Variants in SCARA3 observed in about 807,000 individuals in gnomAD.
SCARA3 encodes the protein scavenger receptor class A member 3, also known as cellular stress response gene protein.
Under a neutral mutation model 47.0 loss-of-function variants are expected in SCARA3, and 39 were observed. The observed-to-expected ratio is 0.83, with a 90% CI of 0.64 to 1.08. The LOEUF (loss-of-function observed/expected upper bound fraction) is 1.08, where lower values mean the gene tolerates loss of function less well. Ranked by LOEUF, SCARA3 falls within the 50% of genes least tolerant of loss-of-function variation. The probability of loss-of-function intolerance (pLI) is 0.00; values close to 1 mark genes in which losing one functional copy is unlikely to be tolerated. For missense variants in SCARA3, 724 were observed against 792.3 expected, an observed-to-expected ratio of 0.91 and a Z score of 1.04; for synonymous variants, 356 against 334.1, an observed-to-expected ratio of 1.07 and a Z score of -0.71.
chr8:27,682,839 A>G, the SCARA3 span, among the ~76,000 whole-genome samples: 5 of 152,282 alleles, frequency 3.3e-5, no homozygotes, highest in East Asian at 7.7e-4. Flanking sequence ...ACAGGTATTG[A>G]TAGATAACTA....
chr8:27,704,043 G>C, the SCARA3 span, among the ~76,000 whole-genome samples: 2 of 151,736 alleles, frequency 1.3e-5, no homozygotes, highest in Non-Finnish European at 2.9e-5. Flanking sequence ...GCAAGGAAGA[G>C]GAAGCAGAAG....
At chr8:27,720,618 CTCCA>C in the SCARA3 span, among the ~76,000 whole-genome samples, 465 of 145,474 alleles carry the variant, frequency 3.2e-3, 2 homozygotes, top group African/African-American at 5.5e-3. Flanking sequence ...TCCTTTCTAT[CTCCA>C]TCCATCCATC....
Position 27,667,836 on chromosome 8 carries a change from A to G in SCARA3, c.1370-3064A>G, listed in dbSNP as rs534145822. ...AGCGAGGGAGGCTTCTGTCGGCACC[A>G]CAGGCACCTGTCAGTAGCCCACGCG... is the stretch of plus-strand genomic sequence containing the variant. On this transcript the variant is annotated intron_variant, in intron 5 of 5. Transcript: ENST00000301904. Among the ~76,000 whole-genome samples, 106 of 152,274 alleles carry G rather than the reference A, an allele frequency of 7.0e-4. 1 individual carries two copies. The South Asian group carries it at 0.021, about 30-fold the overall frequency.
At chr8:27,651,667 G>T in intron 3 of SCARA3, 40 bp downstream of exon 3, 3 of 1,608,708 alleles carry the variant, frequency 1.9e-6, no homozygotes, top group Non-Finnish European at 2.5e-6. Context: ...GCAGGGGGGT[G>T]TCTGATCAGG....
rs1554541087 is a variant in SCARA3, at chr8:27,671,180, GC to G, written c.1655del (p.Pro552ArgfsTer112). 1 of 1,517,134 alleles carries G rather than the reference GC, an allele frequency of 6.6e-7. No individual in the cohort carries two copies. The highest frequency in any genetic ancestry group is 8.8e-7 in the Non-Finnish European group (1 of 1,137,782). 94.0% of individuals were successfully genotyped at this position (1,517,134 alleles called of 1,614,324 possible). On this transcript the variant is annotated frameshift_variant, in exon 6 of 6. Transcript: ENST00000301904. LOFTEE classifies it high-confidence loss of function. ...ACATAGGGCCCCCAGGGCCAGAAGG[GC>G]CCCCGGGGTCTCCAGGGCCCTCAGG... ...GDIGPPGPEG[P>X]PGSPGPSGPQ... is the part of the protein sequence containing the mutation.
chr8:27,676,687 T>C (rs941046106), downstream of SCARA3: 2 of 778,732 alleles, frequency 2.6e-6, no homozygotes, highest in African/African-American at 3.4e-5. Context: ...AGCATCACCT[T>C]AAGCACATAT....
At chr8:27,683,679 C>T in the SCARA3 span, among the ~76,000 whole-genome samples, 4 of 152,106 alleles carry the variant, frequency 2.6e-5, no homozygotes, top group African/African-American at 9.7e-5. Flanking sequence ...ACATAGTCTA[C>T]AAAAACACTT....
the SCARA3 span, among the ~76,000 whole-genome samples, chr8:27,700,322 A>T: frequency 6.6e-6 from 1 of 152,172 alleles, no homozygotes; most frequent in South Asian, 2.1e-4. Context: ...TAAGAAAAAG[A>T]CATGCAGCTC....
intron 1 of SCARA3, among the ~76,000 whole-genome samples, chr8:27,647,669 G>A (rs1258105527): frequency 6.6e-6 from 1 of 152,234 alleles, no homozygotes; most frequent in Non-Finnish European, 1.5e-5. Flanking sequence ...TTCTCCTAGG[G>A]AGAGCACAGA....
chr8:27,706,468 G>T, the SCARA3 span, among the ~76,000 whole-genome samples: 1 of 152,244 alleles, frequency 6.6e-6, no homozygotes, highest in African/African-American at 2.4e-5. Flanking sequence ...CTTGAGTTTA[G>T]ATTTCATCCT....
chr8:27,635,283 G>A (rs749145138), intron 1 of SCARA3, among the ~76,000 whole-genome samples: 8 of 152,048 alleles, frequency 5.3e-5, no homozygotes, highest in East Asian at 3.9e-4. Context: ...GGGCTCCACC[G>A]ACAAACTTCT....
At chr8:27,684,024 T>C in the SCARA3 span, among the ~76,000 whole-genome samples, 1 of 152,194 alleles carries the variant, frequency 6.6e-6, no homozygotes, top group Non-Finnish European at 1.5e-5. Context: ...AAAATAAAAA[T>C]AGTCCTTGCC....
At chr8:27,708,571 G>C in the SCARA3 span, among the ~76,000 whole-genome samples, 32 of 150,932 alleles carry the variant, frequency 2.1e-4, no homozygotes, top group Admixed American at 1.5e-3. Flanking sequence ...AAAAGAATAA[G>C]CATAATATTA....
chr8:27,651,608 G>A lies in SCARA3; in HGVS notation c.207G>A (p.Val69=), dbSNP rs771500589. 12 of 1,614,116 alleles carry A rather than the reference G, an allele frequency of 7.4e-6. No individual in the cohort carries two copies. The highest frequency in any genetic ancestry group is 1.7e-4 in the Middle Eastern group (1 of 6,060). The change falls in exon 3 of 6, where the codon GTG becomes GTA. Residue 69 remains valine, a synonymous_variant. Transcript: ENST00000301904. ...TCCTGGCCCTGCTCCTGGTGGCCGT[G>A]GCTGTGTTGGCCTCTCTGGGTGAGT... The part of the protein sequence containing the change: ...YLFLALLLVA[V]AVLASLVFRK...
chr8:27,670,840 C>T (rs1037119192), intron 5 of SCARA3, 60 bp from the exon 6 acceptor site: 13 of 1,419,044 alleles, frequency 9.2e-6, no homozygotes, highest in Admixed American at 2.4e-5. Flanking sequence ...TGCTCATGGG[C>T]GAGCCTCGGG....
Position 27,672,366 on chromosome 8 carries a change from G to C in SCARA3, c.*1015G>C. On this transcript the variant is annotated 3_prime_UTR_variant, in exon 6 of 6. Transcript: ENST00000301904. ...TGGGCCTGAGTGGAGATGGGAGACA[G>C]AGGCAGGCCAGAAGGTTCTCTCTGC... 4 of 985,516 alleles carry C rather than the reference G, an allele frequency of 4.1e-6. No individual in the cohort carries two copies. The South Asian group carries it at 1.9e-4, about 46-fold the overall frequency. The allele number at this position is 985,516 out of a possible 1,614,324, so 61.0% of individuals were successfully genotyped here.
chr8:27,634,154 C>A lies in SCARA3; in HGVS notation c.-47C>A, dbSNP rs781268925. On this transcript the variant is annotated 5_prime_UTR_variant, in exon 1 of 6. Coordinates refer to ENST00000301904, the MANE Select transcript of SCARA3 (RefSeq NM_016240.3). ...CCGGCCGCCCGGCTCCACTACAGCTCCAGCCGCCTGCAGCGGGGCCCTCCT... is the reference window on the plus strand; with the variant it reads ...CCGGCCGCCCGGCTCCACTACAGCTACAGCCGCCTGCAGCGGGGCCCTCCT... 5 of 1,452,884 alleles carry A rather than the reference C, an allele frequency of 3.4e-6. No homozygotes were observed. Among genetic ancestry groups the A allele is most frequent in the Non-Finnish European group, 3.6e-6 (4 of 1,107,750 alleles). The allele number at this position is 1,452,884 out of a possible 1,614,324, so 90.0% of individuals were successfully genotyped here.
chr8:27,694,768 G>A, the SCARA3 span, among the ~76,000 whole-genome samples: 1 of 152,172 alleles, frequency 6.6e-6, no homozygotes, highest in Non-Finnish European at 1.5e-5. Flanking sequence ...GAGGAGGAAT[G>A]AAAGTTGACC....
the SCARA3 span, among the ~76,000 whole-genome samples, chr8:27,711,312 G>A: frequency 2.0e-5 from 3 of 152,144 alleles, no homozygotes; most frequent in Admixed American, 2.0e-4. Context: ...TGGTGATTCT[G>A]GTATTGCATC....
Sources: allele counts gnomAD v4.1 joint callset (sites outside exome capture counted in the v4.1 genomes callset), GRCh38; gene constraint gnomAD v4.1.1; transcripts MANE v1.5; gene names NCBI Gene and HGNC (gene_info 2026-07-23, HGNC 2026-07-21).